The following AP1B1 variants were observed in gnomAD, a reference collection of about 807,000 sequenced individuals.
The protein encoded by AP1B1 is adaptor related protein complex 1 subunit beta 1, also known as AP-1 complex subunit beta-1.
AP1B1 carries 36 observed loss-of-function variants against 104.3 expected under a neutral mutation model. The ratio of observed to expected loss-of-function variants is 0.35; its 90% CI spans 0.26 to 0.46. The LOEUF is 0.46. Among genes scored for constraint, AP1B1 ranks in the 20% least tolerant of loss-of-function variants. The pLI is 1.00. For missense variants in AP1B1, 901 were observed against 1,247.9 expected, an observed-to-expected ratio of 0.72 and a Z score of 4.19; for synonymous variants, 504 against 517.5, an observed-to-expected ratio of 0.97 and a Z score of 0.35.
intron 11 of AP1B1, among the ~76,000 whole-genome samples, chr22:29,344,741 A>G (rs1433937414): frequency 6.6e-6 from 1 of 151,438 alleles, no homozygotes; most frequent in African/African-American, 2.4e-5. Context: ...CTGGTCTCAG[A>G]CTCCTGACCT....
At chr22:29,346,868 T>C (rs2061801927) in intron 11 of AP1B1, among the ~76,000 whole-genome samples, 1 of 152,212 alleles carries the variant, frequency 6.6e-6, no homozygotes, top group East Asian at 1.9e-4. Flanking sequence ...ACCCAGCATC[T>C]ATTCTGTCTT....
At chr22:29,367,544 C>A (rs2062164158) in intron 1 of AP1B1, among the ~76,000 whole-genome samples, 1 of 150,688 alleles carries the variant, frequency 6.6e-6, no homozygotes, top group Non-Finnish European at 1.5e-5. Context: ...AGCCAATCCT[C>A]CTGCCTCGGC....
chr22:29,336,480 C>T (rs537103905), intron 16 of AP1B1, among the ~76,000 whole-genome samples: 8 of 152,282 alleles, frequency 5.3e-5, no homozygotes, highest in East Asian at 1.9e-4. Flanking sequence ...TGACCCTTCA[C>T]GAAGACAAAG....
chr22:29,367,559 C>A (rs1602777945), intron 1 of AP1B1, among the ~76,000 whole-genome samples: 4 of 151,074 alleles, frequency 2.6e-5, no homozygotes, highest in Admixed American at 2.6e-4. Flanking sequence ...CTCGGCCTCC[C>A]AAAGTGCTGG....
At chr22:29,340,282 C>T (rs2061694884) in intron 14 of AP1B1, among the ~76,000 whole-genome samples, 1 of 152,192 alleles carries the variant, frequency 6.6e-6, no homozygotes, top group African/African-American at 2.4e-5. Context: ...TAAGTGGACA[C>T]AAGTCTGATT....
rs757022535 is a variant in AP1B1, at chr22:29,332,752, C to T, written c.2310-836G>A. Reference sequence around the variant, plus strand: ...CTGTCTGACCCCAGCCTGTGCTCTGCCCAAGAAGCCATCAGCCTGCCTGGG... The same window carrying T: ...CTGTCTGACCCCAGCCTGTGCTCTGTCCAAGAAGCCATCAGCCTGCCTGGG... On this transcript the variant is annotated intron_variant, in intron 17 of 22. Coordinates refer to ENST00000357586, the MANE Select transcript of AP1B1 (RefSeq NM_001127.4). Among the ~76,000 whole-genome samples, 4 of 152,224 alleles carry T rather than the reference C, an allele frequency of 2.6e-5. No individual in the cohort carries two copies. The South Asian group carries it at 8.3e-4, about 31-fold the overall frequency.
At chr22:29,379,808 C>T (rs78068506) in intron 1 of AP1B1, among the ~76,000 whole-genome samples, 5,468 of 152,236 alleles carry the variant, frequency 0.036, 159 homozygotes, top group Non-Finnish European at 0.055. Flanking sequence ...AATGTGACAA[C>T]GGAGGGAACT....
intron 18 of AP1B1, 124 bp from the exon 19 acceptor site, chr22:29,331,657 C>G: frequency 6.3e-7 from 1 of 1,584,318 alleles, no homozygotes; most frequent in Non-Finnish European, 8.7e-7. Flanking sequence ...CCTTCGTTCC[C>G]CAACCTGGGC....
intron 17 of AP1B1, among the ~76,000 whole-genome samples, chr22:29,333,909 C>T (rs2061598429): frequency 6.7e-6 from 1 of 150,124 alleles, no homozygotes; most frequent in Admixed American, 6.6e-5. Flanking sequence ...ACTAAAAATA[C>T]AAAAAATTAG....
chr22:29,356,463 C>T lies in AP1B1; in HGVS notation c.679G>A (p.Ala227Thr). The change falls in exon 6 of 23, where the codon GCC (alanine) becomes ACC (threonine). Residue 227 changes from alanine to threonine, a missense_variant. Transcript: ENST00000357586. ...WGQIFILDCL[A>T]NYMPKDDREA... ...CGGTCGTCCTTGGGCATATAGTTGG[C>T]GAGGCAGTCCAGGATGAAGATCTGG... The T allele has an allele frequency of 7.4e-6, 12 of 1,614,116 alleles. No individual in the cohort carries two copies. The highest frequency in any genetic ancestry group is 1.0e-5 in the Non-Finnish European group (12 of 1,179,994).
chr22:29,341,842 G>A, intron 12 of AP1B1, 82 bp from the exon 13 acceptor site: 1 of 1,490,974 alleles, frequency 6.7e-7, no homozygotes. Flanking sequence ...CATGAGCCAG[G>A]TGCGGCACAG....
At chr22:29,385,844 G>A (rs912404970) in intron 1 of AP1B1, among the ~76,000 whole-genome samples, 1 of 152,192 alleles carries the variant, frequency 6.6e-6, no homozygotes, top group Non-Finnish European at 1.5e-5. Flanking sequence ...AGGCTTTGGT[G>A]CCAGACACGG....
At chr22:29,349,958 C>T (rs2061848649) in intron 10 of AP1B1, 77 bp downstream of exon 10, 2 of 1,136,598 alleles carry the variant, frequency 1.8e-6, no homozygotes, top group Non-Finnish European at 1.3e-6. Context: ...GAGGAGATTC[C>T]TCCTTCCTTT....
At position 29,351,699 on chromosome 22, in the gene AP1B1, G is replaced by A. The variant is rs371624900; in HGVS notation, c.1059+6C>T. On this transcript the variant is annotated splice_donor_region_variant and intron_variant, in intron 8 of 22. Transcript: ENST00000357586. The stretch of plus-strand genomic sequence containing the variant: ...GCCCGTGTCCTGACCATCACACGCA[G>A]CTGACCTGGGCGATGTTGGCCTGAG... The A allele has an allele frequency of 5.6e-6, 9 of 1,613,702 alleles. No homozygotes were observed.
At chr22:29,361,951 G>A (rs1210252325) in intron 3 of AP1B1, among the ~76,000 whole-genome samples, 1 of 152,058 alleles carries the variant, frequency 6.6e-6, no homozygotes, top group African/African-American at 2.4e-5. Context: ...CCACCACCAC[G>A]CTTGGCTAAT....
At chr22:29,364,053 C>A (rs1210775966) in intron 2 of AP1B1, among the ~76,000 whole-genome samples, 1 of 152,230 alleles carries the variant, frequency 6.6e-6, no homozygotes, top group East Asian at 1.9e-4. Flanking sequence ...TCCTCAGCTA[C>A]CCTCACTCAA....
intron 11 of AP1B1, among the ~76,000 whole-genome samples, chr22:29,343,902 G>A (rs564073009): frequency 3.3e-5 from 5 of 152,030 alleles, no homozygotes; most frequent in Non-Finnish European, 5.9e-5. Flanking sequence ...CCTGAGGTCA[G>A]GAGTTCGAGA....
intron 1 of AP1B1, among the ~76,000 whole-genome samples, chr22:29,384,273 A>C (rs2062485736): frequency 6.6e-6 from 1 of 151,932 alleles, no homozygotes; most frequent in South Asian, 2.1e-4. Context: ...CCTGCTCCGT[A>C]CCAGATTCCC....
intron 1 of AP1B1, among the ~76,000 whole-genome samples, chr22:29,372,077 G>A (rs927025146): frequency 1.3e-5 from 2 of 152,154 alleles, no homozygotes; most frequent in Admixed American, 1.3e-4. Flanking sequence ...TTATGACTTT[G>A]ATGTCACATC....
Sources: allele counts gnomAD v4.1 joint callset (sites outside exome capture counted in the v4.1 genomes callset), GRCh38; gene constraint gnomAD v4.1.1; transcripts MANE v1.5; gene names NCBI Gene and HGNC (gene_info 2026-07-23, HGNC 2026-07-21).